ARNT2: variants seen among roughly 807,000 people sequenced by gnomAD.
The protein encoded by ARNT2 is aryl hydrocarbon receptor nuclear translocator 2.
In ARNT2, 36 loss-of-function variants were observed where a neutral mutation model predicts 91.7. The ratio of observed to expected loss-of-function variants is 0.39; its 90% confidence interval spans 0.30 to 0.52. The LOEUF is 0.52. Among genes scored for constraint, ARNT2 ranks in the 20% least tolerant of loss-of-function variants. The pLI is 0.72. For missense variants in ARNT2, 775 were observed against 939.3 expected, an observed-to-expected ratio of 0.83 and a Z score of 2.29; for synonymous variants, 365 against 347.1, an observed-to-expected ratio of 1.05 and a Z score of -0.57.
Position 80,443,442 on chromosome 15 carries a change from T to A in ARNT2, c.32-7438T>A, listed in dbSNP as rs191035901. 3.4e-3 allele frequency among the ~76,000 whole-genome samples: 514 copies of A among 151,964 alleles called. 2 individuals carry two copies. Among genetic ancestry groups the A allele is most frequent in the Non-Finnish European group, 5.5e-3 (373 of 67,974 alleles). On this transcript the variant is annotated intron_variant, in intron 1 of 18. Transcript: ENST00000303329. ...ATGAGTGGGAAGGACAAGAGTGGAA[T>A]GCAGGAAGGTCAGGGGCGTCCTGAG...
At chr15:80,535,991 CT>C (rs1327893601) in intron 8 of ARNT2, among the ~76,000 whole-genome samples, 1 of 152,184 alleles carries the variant, frequency 6.6e-6, no homozygotes, top group Non-Finnish European at 1.5e-5. Context: ...TCTTGTTTCT[CT>C]CTGCATGTCT....
intron 2 of ARNT2, among the ~76,000 whole-genome samples, chr15:80,451,631 CAACCAACCAACT>C: frequency 6.6e-6 from 1 of 152,024 alleles, no homozygotes; most frequent in African/African-American, 2.4e-5. Flanking sequence ...AAAAACCAAC[CAACCAACCAACT>C]AACCAACCAA....
chr15:80,508,071 T>G, intron 5 of ARNT2, 85 bp from the exon 6 acceptor site: 1 of 1,300,118 alleles, frequency 7.7e-7, no homozygotes, highest in Admixed American at 1.8e-5. Flanking sequence ...TGGCAGAGCA[T>G]TTGGAGAAAG....
intron 6 of ARNT2, among the ~76,000 whole-genome samples, chr15:80,513,151 C>T (rs1182590945): frequency 2.6e-5 from 4 of 152,168 alleles, no homozygotes. Context: ...TGGAAATGCA[C>T]ATAAAAAATG....
intron 3 of ARNT2, among the ~76,000 whole-genome samples, chr15:80,461,544 C>G (rs953362920): frequency 1.3e-5 from 2 of 152,118 alleles, no homozygotes; most frequent in African/African-American, 4.8e-5. Context: ...GAAGCCACCA[C>G]CATGGGAGAG....
intron 11 of ARNT2, among the ~76,000 whole-genome samples, chr15:80,559,322 C>A (rs1241784305): frequency 6.7e-6 from 1 of 148,224 alleles, no homozygotes; most frequent in African/African-American, 2.5e-5. Context: ...CAGTCCCAGC[C>A]CCAGACCCAG....
Position 80,456,641 on chromosome 15 carries a change from G to T in ARNT2, c.147-1288G>T, listed in dbSNP as rs79866355. 4.6e-5 allele frequency among the ~76,000 whole-genome samples: 7 copies of T among 152,270 alleles called. No individual in the cohort carries two copies. The East Asian group carries it at 1.2e-3, about 25-fold the overall frequency. On this transcript the variant is annotated intron_variant, in intron 2 of 18. Coordinates refer to ENST00000303329, the MANE Select transcript of ARNT2 (RefSeq NM_014862.4). Reference sequence around the variant, plus strand: ...ATTTGTCTTGTTGGGAGCTTCTTGGGTGTGCCCATGCAAGGATGGCTCGCC... The same window carrying T: ...ATTTGTCTTGTTGGGAGCTTCTTGGTTGTGCCCATGCAAGGATGGCTCGCC...
intron 3 of ARNT2, 66 bp downstream of exon 3, chr15:80,458,042 C>T: frequency 1.3e-6 from 2 of 1,521,272 alleles, no homozygotes; most frequent in Non-Finnish European, 1.8e-6. Flanking sequence ...TAGAAAGATA[C>T]AAGAATGTAA....
rs369938348 is a variant in ARNT2 at position 80,465,874 on chromosome 15, C to CTTCTGACCTT, written c.195-4341_195-4332dup. ...CCCCATCGCACACTCTCAGCATCCT[C>CTTCTGACCTT]TTCTGACCTTTTAGTGTACAAGGAA... On this transcript the variant is annotated intron_variant, in intron 3 of 18. Coordinates refer to ENST00000303329, the MANE Select transcript of ARNT2 (RefSeq NM_014862.4). 5.0e-3 allele frequency among the ~76,000 whole-genome samples: 759 copies of CTTCTGACCTT among 152,324 alleles called. 8 individuals carry two copies. The highest frequency in any genetic ancestry group is 0.017 in the African/African-American group (714 of 41,552).
intron 1 of ARNT2, among the ~76,000 whole-genome samples, chr15:80,429,674 G>A (rs2141567788): frequency 6.6e-6 from 1 of 152,304 alleles, no homozygotes; most frequent in South Asian, 2.1e-4. Flanking sequence ...CGTGTGATTG[G>A]CATCTGAAGT....
chr15:80,560,190 G>A (rs1160488552), intron 11 of ARNT2: 2 of 152,152 alleles, frequency 1.3e-5, no homozygotes, highest in Non-Finnish European at 2.9e-5. Flanking sequence ...CAAGCATACT[G>A]TCTCTGGGTT....
At chr15:80,565,532 G>C (rs1364330639) in intron 12 of ARNT2, among the ~76,000 whole-genome samples, 2 of 133,114 alleles carry the variant, frequency 1.5e-5, no homozygotes, top group Non-Finnish European at 3.3e-5. Flanking sequence ...TTTTGTTTTT[G>C]TTATTGTTTT....
intron 4 of ARNT2, among the ~76,000 whole-genome samples, chr15:80,473,531 A>T (rs1359301272): frequency 6.6e-6 from 1 of 152,250 alleles, no homozygotes; most frequent in African/African-American, 2.4e-5. Context: ...TGTTGGGAAG[A>T]TCATCCAAAA....
chr15:80,498,079 GC>G (rs1359397523), intron 5 of ARNT2, among the ~76,000 whole-genome samples: 1 of 152,156 alleles, frequency 6.6e-6, no homozygotes, highest in Non-Finnish European at 1.5e-5. Flanking sequence ...CCCTCAGAAA[GC>G]TTTTCTTTGG....
chr15:80,576,947 A>G lies in ARNT2; in HGVS notation c.1595A>G (p.His532Arg). The G allele has an allele frequency of 3.7e-6, 6 of 1,613,940 alleles. No individual in the cohort carries two copies. The highest frequency in any genetic ancestry group is 5.1e-6 in the Non-Finnish European group (6 of 1,179,996). Residue 532 changes from histidine (H) to arginine (R), a missense_variant, in exon 15 of 19, where the codon CAC (histidine) becomes CGC (arginine). Transcript: ENST00000303329. ...CAAGGAAGCCCATTTCCCTCTGGACACTCCGGGAAGGCCTTCAGGTATGTG... is the reference window on the plus strand; with the variant it reads ...CAAGGAAGCCCATTTCCCTCTGGACGCTCCGGGAAGGCCTTCAGGTATGTG... ...YSQGSPFPSGHSGKAFSSSVV... is the reference protein window; with the variant it reads ...YSQGSPFPSGRSGKAFSSSVV...
intron 14 of ARNT2, 82 bp from the exon 15 acceptor site, chr15:80,576,784 T>C: frequency 6.8e-7 from 1 of 1,464,536 alleles, no homozygotes; most frequent in Non-Finnish European, 9.5e-7. Context: ...CGCCCACCCC[T>C]GCACCTCTTC....
chr15:80,431,817 C>T (rs1258700016), intron 1 of ARNT2, among the ~76,000 whole-genome samples: 1 of 152,204 alleles, frequency 6.6e-6, no homozygotes, highest in Non-Finnish European at 1.5e-5. Context: ...TCCAGTGCTT[C>T]CTCAAAGACC....
chr15:80,567,356 G>A (rs970856099), intron 12 of ARNT2, among the ~76,000 whole-genome samples: 2 of 148,600 alleles, frequency 1.3e-5, no homozygotes, highest in Non-Finnish European at 2.9e-5. Flanking sequence ...ATCTGTTCAA[G>A]CCATAGCTTT....
chr15:80,458,064 A>C, intron 3 of ARNT2, 88 bp downstream of exon 3: 1 of 1,426,300 alleles, frequency 7.0e-7, no homozygotes, highest in African/African-American at 1.4e-5. Flanking sequence ...GTCTTTTGTC[A>C]TTGCAAAAGC....
Sources: allele counts gnomAD v4.1 joint callset (sites outside exome capture counted in the v4.1 genomes callset), GRCh38; gene constraint gnomAD v4.1.1; transcripts MANE v1.5; gene names NCBI Gene and HGNC (gene_info 2026-07-23, HGNC 2026-07-21).